The following HID1 variants were observed in gnomAD, a reference collection of about 807,000 sequenced individuals.
HID1 encodes the protein HID1 domain containing, also known as protein HID1.
A neutral mutation model predicts 89.7 loss-of-function variants in HID1; 42 were observed. The observed-to-expected ratio is 0.47, with a 90% CI of 0.37 to 0.61. The LOEUF is 0.61. HID1 is among the 20% of genes least tolerant of loss of function. HID1 has a pLI of 0.00. For synonymous variants in HID1, 442 were observed against 433.8 expected (o/e 1.02, Z -0.24); for missense variants, 854 against 1,039.3 (o/e 0.82, Z 2.45).
Position 74,954,121 on chromosome 17 carries a change from A to G in HID1, c.1864+17T>C. The G allele has an allele frequency of 6.3e-7, 1 of 1,577,206 alleles. No individual in the cohort carries two copies. Among genetic ancestry groups the G allele is most frequent in the Non-Finnish European group, 8.6e-7 (1 of 1,160,746 alleles). On this transcript the variant is annotated intron_variant, in intron 14 of 18. Transcript: ENST00000425042. ...ACACCAGTATCCACACTCCTGTCCC[A>G]TCCACTAGCACCAGACCTGGAGTAG...
In HID1 at chr17:74,958,091, C is replaced by G; in HGVS notation, c.1471+50G>C. ...AGCAAGTGGCAGGTTGGCCTGTGGC[C>G]TGACACCACCTGGTGGTGAGCGCGG... is the stretch of plus-strand genomic sequence containing the variant. On this transcript the variant is annotated intron_variant, in intron 12 of 18. Transcript: ENST00000425042. This position sits in a 1 kb window ranked among gnomAD's most constrained non-coding sequence, Gnocchi z 5.2. 1 of 1,536,482 alleles carries G rather than the reference C, an allele frequency of 6.5e-7. No homozygotes were observed.
At position 74,958,748 on chromosome 17, in the gene HID1, C is replaced by T. The variant is rs748439446; in HGVS notation, c.1165G>A (p.Val389Met). Residue 389 changes from valine (V) to methionine (M), a missense_variant, in exon 10 of 19, where the codon GTG (valine) becomes ATG (methionine). Transcript: ENST00000425042. This position sits in a 1 kb window ranked among gnomAD's most constrained non-coding sequence, Gnocchi z 5.2. The stretch of plus-strand genomic sequence containing the variant: ...TCTAGGACGTCGCTGCTCTTCAGCA[C>T]GAAGAAGAGGAATTTCTAGGGGTGC... ...CDFNKKFLFF[V>M]LKSSDVLDIL... The T allele has an allele frequency of 6.2e-6, 10 of 1,612,594 alleles. No individual in the cohort carries two copies. The highest frequency in any genetic ancestry group is 4.4e-5 in the South Asian group (4 of 91,022).
intron 1 of HID1, among the ~76,000 whole-genome samples, chr17:74,966,604 C>T (rs753465504): frequency 6.6e-6 from 1 of 151,980 alleles, no homozygotes; most frequent in Non-Finnish European, 1.5e-5. Context: ...CACAAGCCTG[C>T]ACTTCATACA....
intron 1 of HID1, among the ~76,000 whole-genome samples, chr17:74,968,097 C>T (rs1465345127): frequency 6.6e-6 from 1 of 151,964 alleles, no homozygotes; most frequent in African/African-American, 2.4e-5. Context: ...TGAGTGAGAC[C>T]CTGTCTCTAA....
At position 74,958,730 on chromosome 17, in the gene HID1, C is replaced by G. The variant is rs777599097; in HGVS notation, c.1183G>C (p.Val395Leu). 2.5e-6 allele frequency: 4 copies of G among 1,609,448 alleles called. No individual in the cohort carries two copies. Among genetic ancestry groups the G allele is most frequent in the Middle Eastern group, 1.7e-4 (1 of 6,046 alleles). The change falls in exon 10 of 19, where the codon GTC becomes CTC. Residue 395 changes from valine to leucine, a missense_variant. Coordinates refer to ENST00000425042, the MANE Select transcript of HID1 (RefSeq NM_030630.3). This position sits in a 1 kb window ranked among gnomAD's most constrained non-coding sequence, Gnocchi z 5.2. ...FLFFVLKSSD[V>L]LDILVPILFF... ...AGGATGGGGACAAGGATGTCTAGGA[C>G]GTCGCTGCTCTTCAGCACGAAGAAG...
intron 6 of HID1, 129 bp from the exon 7 acceptor site, chr17:74,960,377 T>A: frequency 1.3e-6 from 1 of 767,534 alleles, no homozygotes; most frequent in Non-Finnish European, 2.1e-6. Context: ...GGGAGTGGCT[T>A]GGAAAGAGTG....
At chr17:74,964,685 C>G in intron 1 of HID1, 53 bp from the exon 2 acceptor site, 1 of 1,558,892 alleles carries the variant, frequency 6.4e-7, no homozygotes. Flanking sequence ...AGAGGGCCTA[C>G]ACTTTGCCCA....
chr17:74,960,478 G>A (rs576083650), intron 6 of HID1, among the ~76,000 whole-genome samples: 1 of 152,318 alleles, frequency 6.6e-6, no homozygotes, highest in South Asian at 2.1e-4. Flanking sequence ...CTCAGAGATG[G>A]GAATGGAGGC....
At chr17:74,963,665 A>G (rs1490412605) in intron 3 of HID1, 75 bp downstream of exon 3, 4 of 1,404,348 alleles carry the variant, frequency 2.8e-6, no homozygotes, top group Non-Finnish European at 3.8e-6. Flanking sequence ...TTGGAGGAGC[A>G]TGGCCGGCCC....
intron 1 of HID1, among the ~76,000 whole-genome samples, chr17:74,967,107 T>C (rs1490412734): frequency 6.6e-6 from 1 of 151,420 alleles, no homozygotes; most frequent in East Asian, 1.9e-4. Flanking sequence ...GGTGTGGTGG[T>C]GCATGCCTGT....
intron 3 of HID1, 56 bp from the exon 4 acceptor site, chr17:74,963,137 C>T (rs375821104): frequency 1.5e-6 from 2 of 1,337,278 alleles, no homozygotes; most frequent in Non-Finnish European, 1.0e-6. Context: ...GAAGAGGTGG[C>T]CCAGGGCTTG....
Position 74,961,699 on chromosome 17 carries a change from G to A in HID1, c.728+174C>T, listed in dbSNP as rs150627319. 300 of 383,120 alleles carry A rather than the reference G, an allele frequency of 7.8e-4. 3 individuals are homozygous for A. The East Asian group carries it at 0.011, about 14-fold the overall frequency. The allele number at this position is 383,120 out of a possible 1,614,324, so 23.7% of individuals were successfully genotyped here. ...AGGGGCCCCCAGATTCTGTCCTGTC[G>A]AGGACTCCAAGGAGAGACGGGGCTA... is the stretch of plus-strand genomic sequence containing the variant. On this transcript the variant is annotated intron_variant, in intron 6 of 18. Transcript: ENST00000425042.
Position 74,951,891 on chromosome 17 carries a change from TC to T in HID1, c.2303+13del. ...GGCTCTCAGGTGGACACCACCCCAC[TC>T]CCCGGGGCCCACCTCAGATAGATGA... On this transcript the variant is annotated intron_variant, in intron 18 of 18. Coordinates refer to ENST00000425042, the MANE Select transcript of HID1 (RefSeq NM_030630.3). 1 of 1,498,848 alleles carries T rather than the reference TC, an allele frequency of 6.7e-7. No individual in the cohort carries two copies. The highest frequency in any genetic ancestry group is 8.9e-7 in the Non-Finnish European group (1 of 1,121,580). 92.8% of individuals were successfully genotyped at this position (1,498,848 alleles called of 1,614,324 possible). A position where few individuals can be genotyped will look rare whatever the true frequency, so the allele number is the denominator to read the frequency against.
chr17:74,963,330 CA>C (rs1360773870), intron 3 of HID1: 9 of 521,812 alleles, frequency 1.7e-5, no homozygotes, highest in Non-Finnish European at 2.7e-5. Flanking sequence ...GCGGTGACCC[CA>C]ACATCAAGAG....
rs371326670 is a variant in HID1 at position 74,962,945 on chromosome 17, G to A, written c.504+20C>T. The A allele has an allele frequency of 1.3e-6, 2 of 1,562,652 alleles. No homozygotes were observed. Among genetic ancestry groups the A allele is most frequent in the Non-Finnish European group, 1.8e-6 (2 of 1,137,794 alleles). Reference sequence around the variant, plus strand: ...CCAGAGCCTACTCCGCCTGGGGGTGGGGGGCTGGGGGACACTCACCACAGT... The same window carrying A: ...CCAGAGCCTACTCCGCCTGGGGGTGAGGGGCTGGGGGACACTCACCACAGT... On this transcript the variant is annotated intron_variant, in intron 4 of 18. Transcript: ENST00000425042. The surrounding 1 kb of genome is among the most constrained non-coding windows in gnomAD (Gnocchi z 4.3).
chr17:74,965,317 C>T (rs895201391), intron 1 of HID1, among the ~76,000 whole-genome samples: 7 of 152,238 alleles, frequency 4.6e-5, no homozygotes, highest in Non-Finnish European at 8.8e-5. Flanking sequence ...ACCACGGCAC[C>T]GCTGCCACAG....
At chr17:74,953,753 C>T in intron 14 of HID1, 102 bp from the exon 15 acceptor site, 2 of 869,840 alleles carry the variant, frequency 2.3e-6, no homozygotes, top group Non-Finnish European at 3.7e-6. Context: ...CTCCTGCTTC[C>T]CTCTGGAACC....
chr17:74,962,401 C>A lies in HID1; in HGVS notation c.505-61G>T, dbSNP rs2039496417. 6.1e-5 allele frequency: 69 copies of A among 1,135,918 alleles called. 2 individuals carry two copies. In the South Asian group the frequency reaches 9.2e-4, roughly 15 times the overall value. The allele number at this position is 1,135,918 out of a possible 1,614,324, so 70.4% of individuals were successfully genotyped here. On this transcript the variant is annotated intron_variant, in intron 4 of 18. Transcript: ENST00000425042. The surrounding 1 kb of genome is among the most constrained non-coding windows in gnomAD (Gnocchi z 4.3). ...TCGAGAGGTGAACAGCAGCCTGGGT[C>A]AGAACCTGGCCACCTCGAGCCTCAC...
intron 1 of HID1, among the ~76,000 whole-genome samples, chr17:74,965,917 CA>C (rs55706307): frequency 1.2e-3 from 168 of 138,872 alleles, no homozygotes; most frequent in South Asian, 5.7e-3. Flanking sequence ...AACCCCATCT[CA>C]AAAAAAAAAA....
Sources: gnomAD v4.1 joint callset for allele counts (sites outside exome capture counted in the v4.1 genomes callset) on GRCh38, gnomAD v4.1.1 for gene constraint, Gnocchi (gnomAD v3.1) non-coding constraint, MANE v1.5 for transcripts, NCBI Gene and HGNC (gene_info 2026-07-23, HGNC 2026-07-21) for gene names.